The following PLCH1 variants were observed in gnomAD, a reference collection of about 807,000 sequenced individuals.
The protein encoded by PLCH1 is phospholipase C eta 1.
PLCH1 carries 60 observed loss-of-function variants against 126.7 expected under a neutral mutation model. The ratio of observed to expected loss-of-function variants is 0.47; its 90% confidence interval spans 0.38 to 0.59. The LOEUF is 0.59. Ranked by LOEUF, PLCH1 falls within the 20% of genes least tolerant of loss-of-function variation. The pLI, the probability that PLCH1 is intolerant of heterozygous loss-of-function variation, is 0.00. For missense variants in PLCH1, 1,723 were observed against 2,040.0 expected (o/e 0.84, Z 2.99); for synonymous variants, 719 against 734.9 (o/e 0.98, Z 0.35).
chr3:155,569,193 T>C (rs966027724), intron 6 of PLCH1, among the ~76,000 whole-genome samples: 1 of 152,204 alleles, frequency 6.6e-6, no homozygotes. Flanking sequence ...ACATTAAGAA[T>C]GTGATATTTT....
intron 10 of PLCH1, among the ~76,000 whole-genome samples, chr3:155,545,929 T>A (rs1725200797): frequency 6.6e-6 from 1 of 152,062 alleles, no homozygotes; most frequent in Non-Finnish European, 1.5e-5. Flanking sequence ...ACAGCCAATA[T>A]CATACTGAAT....
At chr3:155,696,160 T>TA (rs943965591) in intron 2 of PLCH1, among the ~76,000 whole-genome samples, 2 of 152,166 alleles carry the variant, frequency 1.3e-5, no homozygotes, top group Non-Finnish European at 2.9e-5. Flanking sequence ...GGCTTTAAAT[T>TA]AAAAATCTGA....
intron 11 of PLCH1, among the ~76,000 whole-genome samples, chr3:155,515,516 T>C (rs2108246073): frequency 6.6e-6 from 1 of 152,370 alleles, no homozygotes; most frequent in East Asian, 1.9e-4. Flanking sequence ...AATTATTACC[T>C]CAGCCATGAT....
At chr3:155,581,500 A>G (rs1232292459) in intron 6 of PLCH1, among the ~76,000 whole-genome samples, 2 of 152,246 alleles carry the variant, frequency 1.3e-5, no homozygotes, top group African/African-American at 4.8e-5. Flanking sequence ...ATGCTACAAC[A>G]TGAATGAATC....
chr3:155,715,568 G>A (rs1747438660), intron 1 of PLCH1, among the ~76,000 whole-genome samples: 1 of 149,362 alleles, frequency 6.7e-6, no homozygotes, highest in Non-Finnish European at 1.5e-5. Context: ...GCCTCCCAAA[G>A]TGCTATGTTT....
intron 4 of PLCH1, among the ~76,000 whole-genome samples, chr3:155,592,023 G>A (rs1366568474): frequency 2.0e-5 from 3 of 151,724 alleles, no homozygotes; most frequent in Non-Finnish European, 4.4e-5. Context: ...CAGTTTTTAA[G>A]AGTGAAAAAA....
chr3:155,602,400 C>T (rs1302107341), intron 2 of PLCH1, among the ~76,000 whole-genome samples: 1 of 152,184 alleles, frequency 6.6e-6, no homozygotes, highest in African/African-American at 2.4e-5. Flanking sequence ...TGACACTACT[C>T]TTAGTATCCC....
intron 2 of PLCH1, among the ~76,000 whole-genome samples, chr3:155,653,893 A>G (rs1192838546): frequency 6.6e-6 from 1 of 151,940 alleles, no homozygotes; most frequent in Non-Finnish European, 1.5e-5. Flanking sequence ...ATGTTCCCTG[A>G]TCCTATATCC....
chr3:155,504,387 C>T (rs115436537), intron 13 of PLCH1, among the ~76,000 whole-genome samples, 168 bp downstream of exon 13: 52 of 152,202 alleles, frequency 3.4e-4, no homozygotes, highest in Admixed American at 1.1e-3. Context: ...ACTGTTGATG[C>T]GTAGAAGTTC....
chr3:155,464,002 T>C (rs115826102), intron 21 of PLCH1, among the ~76,000 whole-genome samples: 3,217 of 152,324 alleles, frequency 0.021, 125 homozygotes, highest in African/African-American at 0.074. Flanking sequence ...GGACAAGGCA[T>C]GGTCATGCCC....
At chr3:155,529,453 T>G (rs1440683581) in intron 10 of PLCH1, among the ~76,000 whole-genome samples, 1 of 152,168 alleles carries the variant, frequency 6.6e-6, no homozygotes, top group Non-Finnish European at 1.5e-5. Context: ...TGAGTGTGGT[T>G]TCAGATCACT....
chr3:155,678,784 C>T (rs922267860), intron 2 of PLCH1, among the ~76,000 whole-genome samples: 2 of 152,178 alleles, frequency 1.3e-5, no homozygotes, highest in African/African-American at 4.8e-5. Flanking sequence ...CAGATTCGTT[C>T]TAGCATAGTA....
chr3:155,622,948 G>A (rs2203813), intron 2 of PLCH1, among the ~76,000 whole-genome samples: 73,830 of 151,880 alleles, frequency 0.49, 20,323 homozygotes, highest in African/African-American at 0.74. Context: ...ACCCCAAATC[G>A]ACAGAATATA....
Position 155,659,302 on chromosome 3 carries a change from C to CTTTTTTTTTTTTTTTTTTTTT in PLCH1, c.79+44823_79+44843dup, listed in dbSNP as rs753258422. Among the ~76,000 whole-genome samples the CTTTTTTTTTTTTTTTTTTTTT allele has an allele frequency of 6.5e-5, 2 of 30,848 alleles. 1 individual carries two copies. Among genetic ancestry groups the CTTTTTTTTTTTTTTTTTTTTT allele is most frequent in the Non-Finnish European group, 1.4e-4 (2 of 13,866 alleles). 20.2% of individuals were successfully genotyped at this position (30,848 alleles called of 152,430 possible). A position where few individuals can be genotyped will look rare whatever the true frequency, so the allele number is the denominator to read the frequency against. ...CCAGGCGTGAGATGTCTATTCACTT[C>CTTTTTTTTTTTTTTTTTTTTT]TTTTTTTTTTTTTTTTTTTTTTTTT... is the stretch of plus-strand genomic sequence containing the variant. On this transcript the variant is annotated intron_variant, in intron 2 of 22. Coordinates refer to ENST00000460012, the MANE Select transcript of PLCH1 (RefSeq NM_014996.4).
In PLCH1 at chr3:155,622,267, GACATGGAAAAGAACA is replaced by G. The variant is rs568621002; in HGVS notation, c.80-25904_80-25890del. On this transcript the variant is annotated intron_variant, in intron 2 of 22. Transcript: ENST00000460012. ...ACAAGAGCTCCTGAAGGAAACACTA[GACATGGAAAAGAACA>G]ACCAGTACCAGCCACTGCAAAAACA... Among the ~76,000 whole-genome samples, 5 of 152,180 alleles carry G rather than the reference GACATGGAAAAGAACA, an allele frequency of 3.3e-5. No individual in the cohort carries two copies. In the South Asian group the frequency reaches 1.0e-3, roughly 32 times the overall value.
chr3:155,714,501 C>T (rs1379959051), intron 1 of PLCH1, among the ~76,000 whole-genome samples: 1 of 152,220 alleles, frequency 6.6e-6, no homozygotes, highest in Non-Finnish European at 1.5e-5. Context: ...CCTAATTCCA[C>T]AGCCTAGCCC....
chr3:155,559,486 A>G (rs760287630), intron 8 of PLCH1, among the ~76,000 whole-genome samples: 2 of 152,182 alleles, frequency 1.3e-5, no homozygotes, highest in Non-Finnish European at 2.9e-5. Context: ...GTCAAATGCA[A>G]AGCTGGCCAA....
intron 21 of PLCH1, chr3:155,457,649 A>G (rs1712485177): frequency 6.6e-6 from 1 of 152,206 alleles, no homozygotes; most frequent in Non-Finnish European, 1.5e-5. Context: ...ATTTATGTGT[A>G]TGTTTCACAA....
intron 1 of PLCH1, among the ~76,000 whole-genome samples, chr3:155,709,801 A>G (rs900640762): frequency 3.3e-5 from 5 of 152,130 alleles, no homozygotes; most frequent in African/African-American, 1.2e-4. Context: ...GACTTTTTGC[A>G]GAGACAGGGT....
Sources: allele counts gnomAD v4.1 joint callset (sites outside exome capture counted in the v4.1 genomes callset), GRCh38; gene constraint gnomAD v4.1.1; transcripts MANE v1.5; gene names NCBI Gene and HGNC (gene_info 2026-07-23, HGNC 2026-07-21).